The following DZIP1 variants were observed in gnomAD, a reference collection of about 807,000 sequenced individuals.
The protein encoded by DZIP1 is cilium assembly protein DZIP1.
A neutral mutation model predicts 107.6 loss-of-function variants in DZIP1; 97 were observed. The ratio of observed to expected loss-of-function variants is 0.90; its 90% confidence interval spans 0.77 to 1.07. The LOEUF is 1.07. Among genes scored for constraint, DZIP1 ranks in the 50% least tolerant of loss-of-function variants. The pLI, the probability that DZIP1 is intolerant of heterozygous loss-of-function variation, is 0.00. For missense variants in DZIP1, 1,035 were observed against 1,063.6 expected, an observed-to-expected ratio of 0.97 and a Z score of 0.37; for synonymous variants, 390 against 386.4, an observed-to-expected ratio of 1.01 and a Z score of -0.11.
intron 14 of DZIP1, among the ~76,000 whole-genome samples, chr13:95,600,246 G>T (rs1355406388): frequency 1.3e-5 from 2 of 152,136 alleles, no homozygotes; most frequent in African/African-American, 4.8e-5. Context: ...TTAGATATGG[G>T]ATGAAATGCA....
intron 8 of DZIP1, among the ~76,000 whole-genome samples, chr13:95,624,031 C>T (rs1566413560): frequency 7.0e-6 from 1 of 141,934 alleles, no homozygotes; most frequent in South Asian, 2.3e-4. Context: ...ATGGGCCATT[C>T]GCCAAATCTC....
rs2044029694 is a variant in DZIP1, at chr13:95,582,327, G to A, written c.2525-14C>T. On this transcript the variant is annotated splice_polypyrimidine_tract_variant and intron_variant, in intron 22 of 22. Transcript: ENST00000376829. ...TTTCTTGAAGTCCTGTAAGTGGTGG[G>A]TAGAGGCAGAAGAGAAGGCCTCAAT... The A allele has an allele frequency of 3.1e-6, 5 of 1,612,548 alleles. No individual in the cohort carries two copies. The highest frequency in any genetic ancestry group is 1.3e-5 in the African/African-American group (1 of 74,994).
chr13:95,625,047 G>A lies in DZIP1; in HGVS notation c.811-118C>T, dbSNP rs566602382. On this transcript the variant is annotated intron_variant, in intron 7 of 22. Transcript: ENST00000376829. ...GTTAGCTAGTATTGCTTATTTCAGT[G>A]AGGCTTGTAACAACATTTCCTATCA... 4.5e-6 allele frequency: 4 copies of A among 895,004 alleles called. No individual in the cohort carries two copies. The African/African-American group carries it at 6.8e-5, about 15-fold the overall frequency. 55.4% of individuals were successfully genotyped at this position (895,004 alleles called of 1,614,324 possible).
chr13:95,616,624 G>A (rs1339339068), intron 10 of DZIP1, among the ~76,000 whole-genome samples: 1 of 152,128 alleles, frequency 6.6e-6, no homozygotes, highest in Non-Finnish European at 1.5e-5. Context: ...TAAAGAAAAG[G>A]GACTACCTAC....
chr13:95,603,373 A>G (rs2044677553), intron 14 of DZIP1, among the ~76,000 whole-genome samples: 1 of 151,210 alleles, frequency 6.6e-6, no homozygotes, highest in African/African-American at 2.4e-5. Flanking sequence ...GTAGCTATAT[A>G]CAATTAAAGT....
At chr13:95,608,889 C>A (rs773772401) in intron 13 of DZIP1, among the ~76,000 whole-genome samples, 1 of 152,236 alleles carries the variant, frequency 6.6e-6, no homozygotes, top group Non-Finnish European at 1.5e-5. Context: ...GCACAGGTAC[C>A]TGCCCTTACT....
At chr13:95,613,219 G>A (rs765667545) in intron 10 of DZIP1, among the ~76,000 whole-genome samples, 1 of 152,144 alleles carries the variant, frequency 6.6e-6, no homozygotes. Flanking sequence ...AAACAAAGGG[G>A]GGGCGGCTTG....
At chr13:95,616,651 C>G (rs1388095975) in intron 10 of DZIP1, among the ~76,000 whole-genome samples, 1 of 152,148 alleles carries the variant, frequency 6.6e-6, no homozygotes, top group East Asian at 1.9e-4. Context: ...AGAGTGACAT[C>G]AGGTGACCAG....
At chr13:95,626,671 A>G (rs1028508664) in intron 7 of DZIP1, among the ~76,000 whole-genome samples, 1 of 152,212 alleles carries the variant, frequency 6.6e-6, no homozygotes, top group Non-Finnish European at 1.5e-5. Flanking sequence ...AAATTCAGCA[A>G]AGTTGCACAG....
intron 22 of DZIP1, among the ~76,000 whole-genome samples, chr13:95,583,642 T>C (rs1170415821): frequency 6.6e-6 from 1 of 152,190 alleles, no homozygotes; most frequent in Non-Finnish European, 1.5e-5. Context: ...TCATAGTATT[T>C]CATCCCACTG....
chr13:95,602,546 C>T (rs1163678907), intron 14 of DZIP1, among the ~76,000 whole-genome samples: 1 of 152,188 alleles, frequency 6.6e-6, no homozygotes, highest in Admixed American at 6.5e-5. Context: ...TGTCATTACC[C>T]AGTGGTCAGT....
chr13:95,611,546 A>G (rs1430672986), intron 11 of DZIP1, 53 bp from the exon 12 acceptor site: 33 of 1,356,244 alleles, frequency 2.4e-5, no homozygotes. Context: ...ATAGGGACAC[A>G]CACATGGGAT....
intron 9 of DZIP1, among the ~76,000 whole-genome samples, chr13:95,621,614 G>T (rs1312457336): frequency 1.3e-5 from 2 of 151,294 alleles, no homozygotes; most frequent in African/African-American, 2.4e-5. Flanking sequence ...ACTTCCAAAT[G>T]AAAGTGATTA....
At chr13:95,612,455 G>A (rs1038808085) in intron 10 of DZIP1, among the ~76,000 whole-genome samples, 10 of 152,180 alleles carry the variant, frequency 6.6e-5, no homozygotes, top group Admixed American at 1.3e-4. Flanking sequence ...AACACATGAT[G>A]AGCAACGATA....
At position 95,599,382 on chromosome 13, in the gene DZIP1, A is replaced by C. The variant is rs569479884; in HGVS notation, c.1520T>G (p.Leu507Arg). ...SSHILEPIEE[L>R]SEEEKGRENE... ...TTTGTTACCTTTTTCTTCCTCTGAA[A>C]GTTCTTCTATTGGTTCCAGTATGTG... The change falls in exon 15 of 23, where the codon CTT becomes CGT. Residue 507 changes from leucine (L) to arginine (R), a missense_variant. Physicochemically the swap from Leu to Arg is moderately radical, Grantham distance 102. Coordinates refer to ENST00000376829, the MANE Select transcript of DZIP1 (RefSeq NM_198968.4). 57 of 1,613,810 alleles carry C rather than the reference A, an allele frequency of 3.5e-5. No individual in the cohort carries two copies. In the East Asian group the frequency reaches 1.2e-3, roughly 35 times the overall value.
intron 5 of DZIP1, among the ~76,000 whole-genome samples, chr13:95,640,258 A>G (rs1878342457): frequency 6.6e-6 from 1 of 152,088 alleles, no homozygotes; most frequent in Non-Finnish European, 1.5e-5. Flanking sequence ...TCGGCCTCCC[A>G]AAGTGCTGGG....
At chr13:95,616,877 T>A (rs1036664453) in intron 10 of DZIP1, among the ~76,000 whole-genome samples, 4 of 152,108 alleles carry the variant, frequency 2.6e-5, no homozygotes, top group African/African-American at 9.7e-5. Context: ...AGGAAGATTA[T>A]CCTGTGTGGG....
In DZIP1 at chr13:95,589,904, G is replaced by C. The variant is rs776666096; in HGVS notation, c.1872C>G (p.Thr624=). The change falls in exon 18 of 23, where the codon ACC becomes ACG. Residue 624 remains threonine, a synonymous_variant. Coordinates refer to ENST00000376829, the MANE Select transcript of DZIP1 (RefSeq NM_198968.4). Reference sequence around the variant, plus strand: ...TTTTGGGTACTTCTCCAGTTGAAAGGGTATCCATTTGAGAAACACTGCACT... The same window carrying C: ...TTTTGGGTACTTCTCCAGTTGAAAGCGTATCCATTTGAGAAACACTGCACT... ...SDQCSVSQMD[T]LSTGEVPKMI... 7.4e-6 allele frequency: 12 copies of C among 1,613,970 alleles called. No homozygotes were observed. The East Asian group carries it at 2.7e-4, about 36-fold the overall frequency.
At chr13:95,632,135 C>T (rs917492510) in intron 6 of DZIP1, among the ~76,000 whole-genome samples, 1 of 152,072 alleles carries the variant, frequency 6.6e-6, no homozygotes, top group Non-Finnish European at 1.5e-5. Flanking sequence ...TGGGGCTGAC[C>T]TCATCACTTT....
Sources: allele counts gnomAD v4.1 joint callset (sites outside exome capture counted in the v4.1 genomes callset), GRCh38; gene constraint gnomAD v4.1.1; transcripts MANE v1.5; gene names NCBI Gene and HGNC (gene_info 2026-07-23, HGNC 2026-07-21).